LRP2: variants seen among roughly 807,000 people sequenced by gnomAD.
The protein encoded by LRP2 is LDL receptor related protein 2.
A neutral mutation model predicts 531.0 loss-of-function variants in LRP2; 172 were observed. The observed-to-expected ratio is 0.32, with a 90% CI of 0.29 to 0.37. The LOEUF (loss-of-function observed/expected upper bound fraction) is 0.37, where lower values mean the gene tolerates loss of function less well. LRP2 is among the 10% of genes least tolerant of loss of function. The pLI, the probability that LRP2 is intolerant of heterozygous loss-of-function variation, is 1.00. For synonymous variants in LRP2, 1,992 were observed against 2,027.6 expected, an observed-to-expected ratio of 0.98 and a Z score of 0.47; for missense variants, 5,167 against 5,868.3, an observed-to-expected ratio of 0.88 and a Z score of 3.90.
chr2:169,280,312 G>A, intron 11 of LRP2, 38 bp downstream of exon 11: 1 of 1,611,056 alleles, frequency 6.2e-7, no homozygotes, highest in Non-Finnish European at 8.5e-7. Context: ...AACACTTTGT[G>A]CTCAGGGTTC....
At position 169,289,094 on chromosome 2, in the gene LRP2, G is replaced by A. The variant is rs79877455; in HGVS notation, c.974C>T (p.Pro325Leu). ...LNCQYQCHET[P>L]YGGACFCPPG... Reference sequence around the variant, plus strand: ...GGGACAAAAACACGCTCCTCCATACGGCGTCTCATGGCACTGGTACTGGCA... The same window carrying A: ...GGGACAAAAACACGCTCCTCCATACAGCGTCTCATGGCACTGGTACTGGCA... The change falls in exon 9 of 79, where the codon CCG (proline) becomes CTG (leucine). Residue 325 changes from proline to leucine, a missense_variant. Transcript: ENST00000649046. 46 of 1,614,028 alleles carry A rather than the reference G, an allele frequency of 2.9e-5. No homozygotes were observed. The African/African-American group carries it at 3.9e-4, about 14-fold the overall frequency.
chr2:169,349,822 C>T (rs1443656134), intron 1 of LRP2, among the ~76,000 whole-genome samples: 1 of 152,224 alleles, frequency 6.6e-6, no homozygotes, highest in East Asian at 1.9e-4. Flanking sequence ...TGCTTCCTCC[C>T]TTTCCCTTCA....
chr2:169,270,867 G>T, intron 16 of LRP2, 37 bp downstream of exon 16: 1 of 1,451,090 alleles, frequency 6.9e-7, no homozygotes, highest in Non-Finnish European at 9.6e-7. Flanking sequence ...GGCAAAACAC[G>T]CATACACACA....
intron 9 of LRP2, among the ~76,000 whole-genome samples, chr2:169,285,605 C>G (rs1283102911): frequency 6.6e-6 from 1 of 152,116 alleles, no homozygotes; most frequent in Non-Finnish European, 1.5e-5. Flanking sequence ...CTCAAAAACC[C>G]CTTTTTAACT....
At chr2:169,311,388 T>C (rs1053659830) in intron 3 of LRP2, among the ~76,000 whole-genome samples, 13 of 152,240 alleles carry the variant, frequency 8.5e-5, no homozygotes, top group African/African-American at 2.7e-4. Context: ...CCAGAGATTC[T>C]GGTATGTTGT....
At chr2:169,167,905 GCT>G (rs1167449030) in intron 61 of LRP2, among the ~76,000 whole-genome samples, 9 of 150,824 alleles carry the variant, frequency 6.0e-5, no homozygotes, top group Non-Finnish European at 1.2e-4. Flanking sequence ...TGGAGATTCT[GCT>G]CCATCAGGTC....
chr2:169,232,978 C>T (rs543366663), intron 30 of LRP2, among the ~76,000 whole-genome samples: 1 of 152,176 alleles, frequency 6.6e-6, no homozygotes, highest in Non-Finnish European at 1.5e-5. Flanking sequence ...CCATACCATG[C>T]ACTTTAGGAC....
rs773276877 is a variant in LRP2, at chr2:169,165,944, T to C, written c.11746A>G (p.Thr3916Ala). 2.5e-6 allele frequency: 4 copies of C among 1,613,916 alleles called. No homozygotes were observed. In the African/African-American group the frequency reaches 5.3e-5, roughly 22 times the overall value. Reference sequence around the variant, plus strand: ...GACTTTTGCTTACAGTGCTCCTCTGTCTCATCAGTTCCATCTCCACAGTCA... The same window carrying C: ...GACTTTTGCTTACAGTGCTCCTCTGCCTCATCAGTTCCATCTCCACAGTCA... ...VDDCGDGTDETEEHCRKPTPK... is the reference protein window; with the variant it reads ...VDDCGDGTDEAEEHCRKPTPK... Residue 3916 changes from threonine to alanine, a missense_variant, in exon 62 of 79, where the codon ACA (threonine) becomes GCA (alanine). Transcript: ENST00000649046.
At chr2:169,275,896 A>G (rs1489553885) in intron 13 of LRP2, among the ~76,000 whole-genome samples, 2 of 152,134 alleles carry the variant, frequency 1.3e-5, no homozygotes, top group Non-Finnish European at 2.9e-5. Flanking sequence ...CGAAGAGAGG[A>G]AATCAACAAC....
intron 66 of LRP2, among the ~76,000 whole-genome samples, chr2:169,153,263 G>A (rs1686210944): frequency 6.6e-6 from 1 of 152,198 alleles, no homozygotes; most frequent in Admixed American, 6.5e-5. Context: ...TTAGGATCAA[G>A]TTCTAGTTTC....
Position 169,208,287 on chromosome 2 carries a change from T to C in LRP2, c.6470-1037A>G, listed in dbSNP as rs1196138689. On this transcript the variant is annotated intron_variant, in intron 38 of 78. Coordinates refer to ENST00000649046, the MANE Select transcript of LRP2 (RefSeq NM_004525.3). ...TGCATTTGACGCACGGGCCATAGTT[T>C]GCTGACTACTGCTTTATCTATACCC... Among the ~76,000 whole-genome samples, 3 of 152,160 alleles carry C rather than the reference T, an allele frequency of 2.0e-5. No homozygotes were observed. In the East Asian group the frequency reaches 5.8e-4, roughly 29 times the overall value.
chr2:169,224,012 C>CA (rs1467450795), intron 33 of LRP2, among the ~76,000 whole-genome samples: 2 of 151,976 alleles, frequency 1.3e-5, no homozygotes, highest in Non-Finnish European at 2.9e-5. Context: ...CATCTGCACT[C>CA]ATCCATGGGG....
At chr2:169,170,279 G>A (rs755597923) in intron 59 of LRP2, among the ~76,000 whole-genome samples, 1 of 152,122 alleles carries the variant, frequency 6.6e-6, no homozygotes, top group Non-Finnish European at 1.5e-5. Context: ...CAAGGCTAAC[G>A]CAGATTAAAA....
chr2:169,220,346 A>G (rs1688944609), intron 34 of LRP2, 108 bp downstream of exon 34: 1 of 801,006 alleles, frequency 1.2e-6, no homozygotes. Flanking sequence ...AAATGTTGAC[A>G]TATGAAATCA....
In LRP2 at chr2:169,151,056, T is replaced by G. The variant is rs370922672; in HGVS notation, c.12462-30A>C. 1.9e-6 allele frequency: 3 copies of G among 1,613,292 alleles called. 1 individual carries two copies. In the South Asian group the frequency reaches 3.3e-5, roughly 18 times the overall value. On this transcript the variant is annotated intron_variant, in intron 67 of 78. Coordinates refer to ENST00000649046, the MANE Select transcript of LRP2 (RefSeq NM_004525.3). ...ATTCAGAGGGACAAAGTTAAACAAC[T>G]GCAAAGCCTAGAGTAATCATTACTG... is the stretch of plus-strand genomic sequence containing the variant.
intron 4 of LRP2, 118 bp downstream of exon 4, chr2:169,307,163 C>A (rs1684441855): frequency 1.3e-6 from 1 of 766,376 alleles, no homozygotes; most frequent in Non-Finnish European, 2.4e-6. Context: ...CAAGAGATTG[C>A]AATAACAAGA....
intron 64 of LRP2, 98 bp from the exon 65 acceptor site, chr2:169,156,503 C>G: frequency 7.5e-7 from 1 of 1,336,272 alleles, no homozygotes; most frequent in Non-Finnish European, 1.1e-6. Context: ...CAATGAGGAC[C>G]GAGAAGGGTA....
At chr2:169,166,237 T>C (rs1001630069) in intron 61 of LRP2, among the ~76,000 whole-genome samples, 183 bp from the exon 62 acceptor site, 1 of 152,220 alleles carries the variant, frequency 6.6e-6, no homozygotes, top group African/African-American at 2.4e-5. Flanking sequence ...TGCTAGGCAG[T>C]AGATATGATG....
Position 169,185,590 on chromosome 2 carries a change from C to T in LRP2, c.9758G>A (p.Arg3253Lys), listed in dbSNP as rs762679368. Residue 3253 changes from arginine (R) to lysine (K), a missense_variant, in exon 50 of 79, where the codon AGA (arginine) becomes AAA (lysine). Arg to Lys is a conservative substitution (Grantham distance 26). This residue lies in a region of LRP2 where 1,129 missense variants were observed against 1,362.7 expected (regional missense o/e 0.83). Transcript: ENST00000649046. ...CTTGTTTGTCTTATTCAGAAACATT[C>T]TCTCAATGACTTGCCTCTGTGTATC... The part of the protein sequence containing the change: ...WIDTQRQVIE[R>K]MFLNKTNKET... 1.9e-6 allele frequency: 3 copies of T among 1,614,090 alleles called. No individual in the cohort carries two copies.
Sources: allele counts gnomAD v4.1 joint callset (sites outside exome capture counted in the v4.1 genomes callset), GRCh38; gene constraint gnomAD v4.1.1; regional missense constraint gnomAD v4.1.1; transcripts MANE v1.5; gene names NCBI Gene and HGNC (gene_info 2026-07-23, HGNC 2026-07-21).